KCNN2: variants seen among roughly 807,000 people sequenced by gnomAD.
KCNN2 encodes potassium calcium-activated channel subfamily N member 2, also known as small conductance calcium-activated potassium channel protein 2.
A neutral mutation model predicts 55.5 loss-of-function variants in KCNN2; 24 were observed. The ratio of observed to expected loss-of-function variants is 0.43; its 90% CI spans 0.31 to 0.61. The LOEUF is 0.61. Ranked by LOEUF, KCNN2 falls within the 20% of genes least tolerant of loss-of-function variation. The pLI, the probability that KCNN2 is intolerant of heterozygous loss-of-function variation, is 0.08. For missense variants in KCNN2, 754 were observed against 853.6 expected, an observed-to-expected ratio of 0.88 and a Z score of 1.45; for synonymous variants, 431 against 336.1, an observed-to-expected ratio of 1.28 and a Z score of -3.09.
chr5:114,192,733 T>C (rs549726383), intron 1 of KCNN2, among the ~76,000 whole-genome samples: 3 of 152,206 alleles, frequency 2.0e-5, no homozygotes, highest in South Asian at 4.1e-4. Context: ...AGCCATGAAA[T>C]GTAAAGAACT....
At chr5:114,147,415 C>T (rs1752420953) in intron 1 of KCNN2, among the ~76,000 whole-genome samples, 2 of 152,112 alleles carry the variant, frequency 1.3e-5, no homozygotes, top group African/African-American at 4.8e-5. Flanking sequence ...GACGTCCTAA[C>T]CCAATTGAAG....
intron 1 of KCNN2, among the ~76,000 whole-genome samples, chr5:114,105,580 C>G (rs1751467394): frequency 6.6e-6 from 1 of 152,050 alleles, no homozygotes; most frequent in Non-Finnish European, 1.5e-5. Flanking sequence ...GTATACAATA[C>G]TGCATTCATG....
At chr5:114,276,674 C>CTTTTTTTTTTTTTT (rs1455136964) in intron 2 of KCNN2, among the ~76,000 whole-genome samples, 3 of 26,432 alleles carry the variant, frequency 1.1e-4, no homozygotes, top group Non-Finnish European at 8.8e-5. Context: ...TTTTTTTTTG[C>CTTTTTTTTTTTTTT]TTTCCATTTG....
At chr5:114,438,290 C>G (rs530900602) in intron 3 of KCNN2, among the ~76,000 whole-genome samples, 1 of 152,192 alleles carries the variant, frequency 6.6e-6, no homozygotes, top group African/African-American at 2.4e-5. Context: ...AGCATCAGCT[C>G]GGTTTGGATG....
chr5:114,241,792 A>ATGTGTGTG (rs1491228527), intron 2 of KCNN2, among the ~76,000 whole-genome samples: 7 of 20,968 alleles, frequency 3.3e-4, no homozygotes, highest in African/African-American at 6.3e-4. Flanking sequence ...ACGTATATAT[A>ATGTGTGTG]TGTATATATA....
chr5:114,375,952 G>A (rs867341907), intron 2 of KCNN2, among the ~76,000 whole-genome samples: 3 of 104,718 alleles, frequency 2.9e-5, no homozygotes, highest in African/African-American at 7.1e-5. Flanking sequence ...GACTCACAGT[G>A]TATATATATA....
intron 3 of KCNN2, among the ~76,000 whole-genome samples, chr5:114,441,051 T>C (rs1760187534): frequency 6.6e-6 from 1 of 152,144 alleles, no homozygotes; most frequent in Non-Finnish European, 1.5e-5. Flanking sequence ...TATGTTAATA[T>C]CTGATAAAGA....
At chr5:114,426,411 G>T (rs1004085924) in intron 3 of KCNN2, among the ~76,000 whole-genome samples, 1 of 152,060 alleles carries the variant, frequency 6.6e-6, no homozygotes, top group Non-Finnish European at 1.5e-5. Context: ...GTATTTTGTT[G>T]AGTTTTTTAA....
intron 2 of KCNN2, among the ~76,000 whole-genome samples, chr5:114,222,696 G>A (rs1432829765): frequency 6.6e-6 from 1 of 152,030 alleles, no homozygotes; most frequent in Non-Finnish European, 1.5e-5. Flanking sequence ...ATAAGACAGT[G>A]ATTAAAAAAA....
intron 2 of KCNN2, among the ~76,000 whole-genome samples, chr5:114,226,175 A>G (rs1754234166): frequency 6.6e-6 from 1 of 152,200 alleles, no homozygotes; most frequent in Non-Finnish European, 1.5e-5. Context: ...ATTTTAACCT[A>G]AAGGAAACCT....
At chr5:114,127,954 C>A (rs898631358) in intron 1 of KCNN2, among the ~76,000 whole-genome samples, 1 of 152,054 alleles carries the variant, frequency 6.6e-6, no homozygotes, top group Non-Finnish European at 1.5e-5. Flanking sequence ...CATCTCAGAC[C>A]ACCTCAGCTT....
chr5:114,446,739 G>A (rs1475696609), intron 3 of KCNN2, among the ~76,000 whole-genome samples: 1 of 152,078 alleles, frequency 6.6e-6, no homozygotes. Context: ...GAGATTACAG[G>A]CATGAGTCAC....
At chr5:114,132,974 A>G (rs1009670937) in intron 1 of KCNN2, among the ~76,000 whole-genome samples, 1 of 152,212 alleles carries the variant, frequency 6.6e-6, no homozygotes, top group Non-Finnish European at 1.5e-5. Flanking sequence ...ATACACCCTA[A>G]TCAAGTGGGA....
chr5:114,063,063 T>G (rs960651681), intron 1 of KCNN2, among the ~76,000 whole-genome samples: 2 of 152,176 alleles, frequency 1.3e-5, no homozygotes, highest in African/African-American at 2.4e-5. Context: ...AGAGAAAAAT[T>G]TGCTCACTTG....
chr5:114,417,629 G>A lies in KCNN2; in HGVS notation c.1637+12773G>A, dbSNP rs530767062. ...TGATAGATAGTTGGGTGGTAAAAGG[G>A]ATGAAGGTGCCACATTAGGCAGGTT... On this transcript the variant is annotated intron_variant, in intron 3 of 7. Coordinates refer to ENST00000673685, the MANE Select transcript of KCNN2 (RefSeq NM_021614.4). 2.0e-5 allele frequency among the ~76,000 whole-genome samples: 3 copies of A among 152,298 alleles called. No individual in the cohort carries two copies. The South Asian group carries it at 6.2e-4, about 32-fold the overall frequency.
At chr5:114,254,959 G>T (rs1052958235) in intron 2 of KCNN2, among the ~76,000 whole-genome samples, 4 of 152,088 alleles carry the variant, frequency 2.6e-5, no homozygotes, top group Non-Finnish European at 5.9e-5. Flanking sequence ...AATTTATAAA[G>T]TTGGATTTCT....
chr5:114,084,082 G>C (rs1381412244), intron 1 of KCNN2, among the ~76,000 whole-genome samples: 1 of 152,022 alleles, frequency 6.6e-6, no homozygotes, highest in Non-Finnish European at 1.5e-5. Context: ...GTCACTTTTT[G>C]AAGGATATCT....
intron 1 of KCNN2, among the ~76,000 whole-genome samples, chr5:114,102,090 A>G (rs569210048): frequency 1.3e-5 from 2 of 152,152 alleles, no homozygotes; most frequent in African/African-American, 2.4e-5. Flanking sequence ...CCTTTCCAGC[A>G]TCTGTTGTTT....
intron 1 of KCNN2, among the ~76,000 whole-genome samples, chr5:114,143,646 G>A (rs2954354): frequency 3.3e-5 from 5 of 152,104 alleles, no homozygotes; most frequent in East Asian, 1.9e-4. Context: ...TGAAACCTCC[G>A]TGACTGCACG....
Sources: gnomAD v4.1 joint callset for allele counts (sites outside exome capture counted in the v4.1 genomes callset) on GRCh38, gnomAD v4.1.1 for gene constraint, MANE v1.5 for transcripts, NCBI Gene and HGNC (gene_info 2026-07-23, HGNC 2026-07-21) for gene names.